GRM1: variants seen among roughly 807,000 people sequenced by gnomAD.
The protein encoded by GRM1 is metabotropic glutamate receptor 1.
In GRM1, 33 loss-of-function variants were observed where a neutral mutation model predicts 90.9. The observed-to-expected ratio is 0.36, with a 90% CI of 0.28 to 0.49. GRM1 has a LOEUF of 0.49. Ranked by LOEUF, GRM1 falls within the 20% of genes least tolerant of loss-of-function variation. GRM1 has a pLI of 0.99. For synonymous variants in GRM1, 700 were observed against 613.2 expected (o/e 1.14, Z -2.09); for missense variants, 1,190 against 1,534.3 (o/e 0.78, Z 3.75).
intron 1 of GRM1, among the ~76,000 whole-genome samples, chr6:146,038,230 A>G (rs184064195): frequency 2.0e-5 from 3 of 152,100 alleles, no homozygotes; most frequent in South Asian, 4.1e-4. Context: ...ATGGTCAGAC[A>G]TCTCTGTGAC....
chr6:146,084,115 C>T (rs1429241252), intron 1 of GRM1, among the ~76,000 whole-genome samples: 1 of 151,530 alleles, frequency 6.6e-6, no homozygotes, highest in Non-Finnish European at 1.5e-5. Flanking sequence ...CTATTTGATT[C>T]TTCTCTCTTT....
intron 7 of GRM1, among the ~76,000 whole-genome samples, chr6:146,414,407 T>TTATTATTATTATTA (rs1562682696): frequency 1.5e-5 from 1 of 66,424 alleles, no homozygotes. Flanking sequence ...TATTATTATT[T>TTATTATTATTATTA]TTGTTGTTGT....
chr6:146,355,305 AC>A (rs1785545925), intron 4 of GRM1, among the ~76,000 whole-genome samples: 2 of 152,214 alleles, frequency 1.3e-5, no homozygotes, highest in South Asian at 4.1e-4. Context: ...CCAGCAGCCC[AC>A]AGTTAATTCT....
intron 2 of GRM1, among the ~76,000 whole-genome samples, chr6:146,174,276 G>A (rs1410789334): frequency 6.6e-6 from 1 of 151,932 alleles, no homozygotes; most frequent in Non-Finnish European, 1.5e-5. Flanking sequence ...AGGGATGTGT[G>A]GAAACACTAC....
chr6:146,028,269 G>GTA (rs576294899), upstream of GRM1, among the ~76,000 whole-genome samples: 11,113 of 147,216 alleles, frequency 0.075, 577 homozygotes, highest in Non-Finnish European at 0.11. Flanking sequence ...GTGTGTGTGT[G>GTA]TGTGTGTGTA....
intron 2 of GRM1, among the ~76,000 whole-genome samples, chr6:146,288,823 A>G (rs1295517863): frequency 6.6e-6 from 1 of 152,058 alleles, no homozygotes; most frequent in Non-Finnish European, 1.5e-5. Flanking sequence ...TTTAGTCAAT[A>G]ATGGACTATG....
chr6:146,429,799 A>G (rs905140225), intron 7 of GRM1, among the ~76,000 whole-genome samples: 1 of 152,146 alleles, frequency 6.6e-6, no homozygotes, highest in Non-Finnish European at 1.5e-5. Flanking sequence ...ACTTTCAGAG[A>G]AAACAAATGC....
At chr6:146,230,622 A>G (rs559038488) in intron 2 of GRM1, among the ~76,000 whole-genome samples, 18 of 152,300 alleles carry the variant, frequency 1.2e-4, no homozygotes, top group African/African-American at 4.1e-4. Flanking sequence ...TTACAAAACT[A>G]AACACACTCT....
At chr6:146,263,634 T>C (rs1346751325) in intron 2 of GRM1, among the ~76,000 whole-genome samples, 2 of 152,070 alleles carry the variant, frequency 1.3e-5, no homozygotes, top group Non-Finnish European at 2.9e-5. Context: ...TACAATATTT[T>C]CTATGTCTGT....
intron 1 of GRM1, among the ~76,000 whole-genome samples, chr6:146,070,896 C>T (rs931013445): frequency 2.0e-5 from 3 of 152,138 alleles, no homozygotes; most frequent in Non-Finnish European, 2.9e-5. Context: ...TAACACTTCA[C>T]TGAAACACAA....
At chr6:146,406,158 C>A (rs1160596680) in intron 7 of GRM1, among the ~76,000 whole-genome samples, 1 of 152,174 alleles carries the variant, frequency 6.6e-6, no homozygotes, top group Non-Finnish European at 1.5e-5. Context: ...GAGAGATCAT[C>A]TGGTGTGTGC....
chr6:146,065,134 T>C (rs906378995), intron 1 of GRM1, among the ~76,000 whole-genome samples: 4 of 152,220 alleles, frequency 2.6e-5, no homozygotes, highest in Non-Finnish European at 4.4e-5. Context: ...AAACAACTAC[T>C]TTAAATGCAG....
intron 2 of GRM1, among the ~76,000 whole-genome samples, chr6:146,248,212 C>T (rs1781141462): frequency 6.6e-6 from 1 of 152,052 alleles, no homozygotes; most frequent in Admixed American, 6.6e-5. Context: ...ATAAAAAGCC[C>T]TATTGTGATA....
Position 146,166,547 on chromosome 6 carries a change from A to G in GRM1, c.950+6950A>G, listed in dbSNP as rs185023646. ...ATAGTAGTCGGAGTAGTAAAAAACA[A>G]TTTGCAGTTCTCTTTATTTCCTGTG... On this transcript the variant is annotated intron_variant, in intron 2 of 7. Transcript: ENST00000282753. 6.6e-5 allele frequency among the ~76,000 whole-genome samples: 10 copies of G among 152,260 alleles called. 1 individual carries two copies. Among genetic ancestry groups the G allele is most frequent in the Admixed American group, 5.2e-4 (8 of 15,282 alleles).
intron 3 of GRM1, among the ~76,000 whole-genome samples, chr6:146,328,867 G>C (rs953654881): frequency 1.3e-5 from 2 of 152,164 alleles, no homozygotes; most frequent in Non-Finnish European, 2.9e-5. Context: ...CTTACCTAAG[G>C]AGAAAAGACC....
intron 2 of GRM1, among the ~76,000 whole-genome samples, chr6:146,169,218 C>T (rs1778014888): frequency 6.6e-6 from 1 of 152,122 alleles, no homozygotes; most frequent in Non-Finnish European, 1.5e-5. Flanking sequence ...TTAATCCCAT[C>T]ATGTAATTTT....
intron 2 of GRM1, among the ~76,000 whole-genome samples, chr6:146,195,692 GT>G (rs930536043): frequency 1.3e-5 from 2 of 152,184 alleles, no homozygotes; most frequent in African/African-American, 4.8e-5. Flanking sequence ...TGACTTCTGT[GT>G]TTTATCACTT....
chr6:146,174,852 C>G (rs182540602), intron 2 of GRM1, among the ~76,000 whole-genome samples: 80 of 152,288 alleles, frequency 5.3e-4, no homozygotes, highest in Non-Finnish European at 8.8e-5. Context: ...AACTTGCTTC[C>G]AAACTCATTC....
intron 2 of GRM1, among the ~76,000 whole-genome samples, chr6:146,162,070 C>G (rs1777748683): frequency 6.6e-6 from 1 of 152,204 alleles, no homozygotes; most frequent in Non-Finnish European, 1.5e-5. Context: ...AGTTTAACCT[C>G]AAGCTACAAC....
Sources: allele counts gnomAD v4.1 joint callset (sites outside exome capture counted in the v4.1 genomes callset), GRCh38; gene constraint gnomAD v4.1.1; transcripts MANE v1.5; gene names NCBI Gene and HGNC (gene_info 2026-07-23, HGNC 2026-07-21).